Variants in DPH6 observed in about 807,000 individuals in gnomAD.
The protein encoded by DPH6 is diphthine--ammonia ligase.
Under a neutral mutation model 38.2 loss-of-function variants are expected in DPH6, and 33 were observed. The observed-to-expected ratio is 0.86, with a 90% CI of 0.65 to 1.15. The LOEUF is 1.15. Ranked by LOEUF, DPH6 falls within the 50% of genes most tolerant of loss-of-function variation. The pLI is 0.00. For missense variants in DPH6, 325 were observed against 320.0 expected (o/e 1.02, Z -0.12); for synonymous variants, 108 against 103.0 (o/e 1.05, Z -0.30).
intron 3 of DPH6, among the ~76,000 whole-genome samples, chr15:35,493,406 A>C (rs2054509314): frequency 6.6e-6 from 1 of 152,144 alleles, no homozygotes; most frequent in Non-Finnish European, 1.5e-5. Context: ...CAGTAGTTAA[A>C]ATCTTAGTAA....
At chr15:35,524,159 TAA>T (rs67698468) in intron 3 of DPH6, among the ~76,000 whole-genome samples, 94,810 of 151,604 alleles carry the variant, frequency 0.63, 33,381 homozygotes, top group South Asian at 0.82. Flanking sequence ...TTAACATTTT[TAA>T]AAGATACAAA....
chr15:35,340,134 C>T lies in DPH6; in HGVS notation n.208-9057G>A, dbSNP rs140284417. ...TCAAACCCTTTACCATTATGTAATG[C>T]CCTTCTTTGTGTTTTTTGATCTTTG... On this transcript the variant is annotated intron_variant and non_coding_transcript_variant, in intron 3 of 3. Coordinates refer to the DPH6 transcript ENST00000558973. Among the ~76,000 whole-genome samples, 7 of 152,168 alleles carry T rather than the reference C, an allele frequency of 4.6e-5. No individual in the cohort carries two copies. In the East Asian group the frequency reaches 1.4e-3, roughly 29 times the overall value.
At chr15:35,433,794 C>G (rs1256791590) in intron 5 of DPH6, among the ~76,000 whole-genome samples, 1 of 152,092 alleles carries the variant, frequency 6.6e-6, no homozygotes, top group Non-Finnish European at 1.5e-5. Flanking sequence ...CCCAGATATT[C>G]TAATTTAATT....
intron 3 of DPH6, among the ~76,000 whole-genome samples, chr15:35,516,030 T>G (rs2054842019): frequency 6.6e-6 from 1 of 152,154 alleles, no homozygotes; most frequent in Non-Finnish European, 1.5e-5. Context: ...AATATTTAAT[T>G]AATTCTTACC....
chr15:35,376,172 G>T (rs1412101867), intron 7 of DPH6, among the ~76,000 whole-genome samples: 1 of 152,012 alleles, frequency 6.6e-6, no homozygotes, highest in African/African-American at 2.4e-5. Flanking sequence ...AACCAGTTTT[G>T]TTCATCTTTG....
At chr15:35,404,871 G>C (rs1220600700) in intron 6 of DPH6, among the ~76,000 whole-genome samples, 1 of 152,096 alleles carries the variant, frequency 6.6e-6, no homozygotes, top group Non-Finnish European at 1.5e-5. Flanking sequence ...TTAGATTTAA[G>C]TCTTTAATCC....
At chr15:35,386,173 G>T (rs546368487) in intron 6 of DPH6, among the ~76,000 whole-genome samples, 26 of 152,274 alleles carry the variant, frequency 1.7e-4, no homozygotes, top group African/African-American at 5.8e-4. Flanking sequence ...CAAAGGACAT[G>T]AACTCATCAT....
intron 3 of DPH6, among the ~76,000 whole-genome samples, chr15:35,345,000 C>G (rs1293817125): frequency 6.6e-6 from 1 of 151,548 alleles, no homozygotes; most frequent in African/African-American, 2.4e-5. Flanking sequence ...AAAAATATGG[C>G]ATATATGTTA....
chr15:35,427,590 C>T (rs1393834592), intron 5 of DPH6, among the ~76,000 whole-genome samples: 1 of 151,766 alleles, frequency 6.6e-6, no homozygotes, highest in African/African-American at 2.4e-5. Flanking sequence ...TAAGGTTAAC[C>T]TGCTAAGGTC....
At chr15:35,293,515 G>C (rs866137367) in intron 3 of DPH6, among the ~76,000 whole-genome samples, 1 of 152,132 alleles carries the variant, frequency 6.6e-6, no homozygotes, top group Non-Finnish European at 1.5e-5. Flanking sequence ...TGGCCACAAG[G>C]GCACCATTTA....
At chr15:35,282,624 T>C (rs562964794) in intron 3 of DPH6, 40 of 406,538 alleles carry the variant, frequency 9.8e-5, no homozygotes, top group East Asian at 2.5e-4. Flanking sequence ...TGGGAGCAGA[T>C]TGGATCCAGC....
chr15:35,410,916 T>G lies in DPH6; in HGVS notation c.506-20A>C. On this transcript the variant is annotated intron_variant, in intron 5 of 8. Coordinates refer to ENST00000256538, the MANE Select transcript of DPH6 (RefSeq NM_080650.4). ...CTAAACCTGCCAAGAAAGGTTACAT[T>G]TTTTAAAGATAACTATCAGATAGGA... is the stretch of plus-strand genomic sequence containing the variant. The G allele has an allele frequency of 6.3e-7, 1 of 1,596,978 alleles. No homozygotes were observed. Among genetic ancestry groups the G allele is most frequent in the Non-Finnish European group, 8.5e-7 (1 of 1,172,016 alleles).
At chr15:35,214,121 A>T (rs1474650009), downstream of DPH6, among the ~76,000 whole-genome samples, 1 of 152,116 alleles carries the variant, frequency 6.6e-6, no homozygotes, top group Non-Finnish European at 1.5e-5. Context: ...CAAAAAAAAA[A>T]AAAAAAGGCT....
At chr15:35,216,538 TTAA>T (rs1426489161), downstream of DPH6, among the ~76,000 whole-genome samples, 2 of 151,886 alleles carry the variant, frequency 1.3e-5, no homozygotes, top group Non-Finnish European at 2.9e-5. Flanking sequence ...AGTAAAGAGA[TTAA>T]TGAGTTCTTA....
chr15:35,259,413 C>T (rs1055071337), intron 3 of DPH6, among the ~76,000 whole-genome samples: 1 of 152,104 alleles, frequency 6.6e-6, no homozygotes, highest in Non-Finnish European at 1.5e-5. Context: ...TTCACGCAAA[C>T]CTAATCATAT....
chr15:35,424,218 G>T (rs1035752153), intron 5 of DPH6, among the ~76,000 whole-genome samples: 2 of 151,348 alleles, frequency 1.3e-5, no homozygotes, highest in African/African-American at 2.4e-5. Context: ...ATTAATGTTT[G>T]ACTTTTTAAA....
chr15:35,335,572 C>T (rs183960047), intron 3 of DPH6, among the ~76,000 whole-genome samples: 102 of 152,082 alleles, frequency 6.7e-4, no homozygotes, highest in African/African-American at 2.0e-3. Flanking sequence ...TTTTTGTACA[C>T]GGTATAAGGA....
chr15:35,460,315 T>C (rs193188579), intron 3 of DPH6, among the ~76,000 whole-genome samples: 3 of 152,332 alleles, frequency 2.0e-5, no homozygotes, highest in Admixed American at 1.3e-4. Context: ...CATATTAAAT[T>C]ACATTCTTGT....
At chr15:35,387,570 T>G (rs1380601269) in intron 6 of DPH6, among the ~76,000 whole-genome samples, 2 of 152,180 alleles carry the variant, frequency 1.3e-5, no homozygotes, top group Non-Finnish European at 2.9e-5. Flanking sequence ...CCCTTGTAAG[T>G]TGGATTCCTA....
Sources: allele counts gnomAD v4.1 joint callset (sites outside exome capture counted in the v4.1 genomes callset), GRCh38; gene constraint gnomAD v4.1.1; transcripts MANE v1.5; gene names NCBI Gene and HGNC (gene_info 2026-07-23, HGNC 2026-07-21).